Variants in ANKS1B observed in about 807,000 individuals in gnomAD.
The protein encoded by ANKS1B is ankyrin repeat and sterile alpha motif domain-containing protein 1B.
Under a neutral mutation model 148.3 loss-of-function variants are expected in ANKS1B, and 36 were observed. The observed-to-expected ratio is 0.24, with a 90% CI of 0.19 to 0.32. ANKS1B has a LOEUF of 0.32. Ranked by LOEUF, ANKS1B falls within the 10% of genes least tolerant of loss-of-function variation. The pLI, the probability that ANKS1B is intolerant of heterozygous loss-of-function variation, is 1.00. For missense variants in ANKS1B, 1,157 were observed against 1,542.6 expected, an observed-to-expected ratio of 0.75 and a Z score of 4.19; for synonymous variants, 542 against 560.8, an observed-to-expected ratio of 0.97 and a Z score of 0.47.
chr12:99,760,340 T>G (rs1462735445), intron 8 of ANKS1B, among the ~76,000 whole-genome samples: 1 of 151,772 alleles, frequency 6.6e-6, no homozygotes, highest in Non-Finnish European at 1.5e-5. Context: ...CAACCATATT[T>G]TTGGACCACA....
intron 9 of ANKS1B, among the ~76,000 whole-genome samples, chr12:99,592,694 A>C (rs1011485282): frequency 6.6e-6 from 1 of 152,172 alleles, no homozygotes; most frequent in Non-Finnish European, 1.5e-5. Flanking sequence ...AACTCTGTCA[A>C]ATATTTGAAG....
chr12:99,139,440 T>TTCTTTCTTTCTTTCTTTC (rs201769650), intron 15 of ANKS1B, among the ~76,000 whole-genome samples: 127 of 4,732 alleles, frequency 0.027, 42 homozygotes, highest in South Asian at 0.077. Context: ...CTTTCTTTCT[T>TTCTTTCTTTCTTTCTTTC]TTTCTTTCTT....
intron 22 of ANKS1B, chr12:98,794,930 A>G (rs2098934177): frequency 3.0e-6 from 4 of 1,329,730 alleles, no homozygotes; most frequent in Non-Finnish European, 4.3e-6. Flanking sequence ...AAAATGGCAC[A>G]GCAGCTACAA....
intron 1 of ANKS1B, among the ~76,000 whole-genome samples, chr12:99,877,260 T>C (rs865934752): frequency 5.3e-5 from 8 of 152,246 alleles, no homozygotes; most frequent in Admixed American, 2.0e-4. Flanking sequence ...TTGCATGTAC[T>C]TGATTGTTCT....
At chr12:99,048,349 A>G (rs1451896929) in intron 17 of ANKS1B, among the ~76,000 whole-genome samples, 1 of 152,132 alleles carries the variant, frequency 6.6e-6, no homozygotes, top group Non-Finnish European at 1.5e-5. Flanking sequence ...TCTGAAGTTC[A>G]TTTGTTGCGG....
rs758528089 is a variant in ANKS1B at position 98,955,880 on chromosome 12, C to T, written c.2778+97277G>A. Among the ~76,000 whole-genome samples, 15 of 152,242 alleles carry T rather than the reference C, an allele frequency of 9.9e-5. No individual in the cohort carries two copies. The East Asian group carries it at 1.4e-3, about 14-fold the overall frequency. The stretch of plus-strand genomic sequence containing the variant: ...GGCAGTTGAATATTGGTGGAATGAA[C>T]GAATAACCAGGATCTTAATCAAGTG... On this transcript the variant is annotated intron_variant, in intron 17 of 26. Coordinates refer to ENST00000683438, the MANE Select transcript of ANKS1B (RefSeq NM_001352186.2).
chr12:98,869,301 TCCA>T (rs2099641316), intron 17 of ANKS1B, among the ~76,000 whole-genome samples: 1 of 152,160 alleles, frequency 6.6e-6, no homozygotes, highest in Non-Finnish European at 1.5e-5. Context: ...AGTTTCTGTC[TCCA>T]CCACCACTTT....
intron 10 of ANKS1B, among the ~76,000 whole-genome samples, chr12:99,446,750 T>C (rs927585510): frequency 1.3e-5 from 2 of 151,942 alleles, no homozygotes; most frequent in African/African-American, 2.4e-5. Flanking sequence ...ACTTAAAAAG[T>C]AGACATAGAC....
At chr12:98,958,135 T>A (rs1310426306) in intron 17 of ANKS1B, among the ~76,000 whole-genome samples, 1 of 152,180 alleles carries the variant, frequency 6.6e-6, no homozygotes, top group African/African-American at 2.4e-5. Context: ...CAATCTCTAT[T>A]TCTTCTCTCT....
chr12:99,478,939 AG>A (rs1324105115), intron 10 of ANKS1B, among the ~76,000 whole-genome samples: 1 of 152,108 alleles, frequency 6.6e-6, no homozygotes, highest in Non-Finnish European at 1.5e-5. Context: ...CTTTTTAAAT[AG>A]GTAAAATTTA....
intron 9 of ANKS1B, among the ~76,000 whole-genome samples, chr12:99,641,828 C>G (rs1242076722): frequency 2.0e-5 from 3 of 152,068 alleles, no homozygotes; most frequent in Non-Finnish European, 4.4e-5. Context: ...ACTATACACC[C>G]TTATTGTTGC....
intron 19 of ANKS1B, among the ~76,000 whole-genome samples, chr12:98,816,493 G>A (rs1206879763): frequency 2.0e-5 from 3 of 152,150 alleles, no homozygotes; most frequent in Middle Eastern, 3.4e-3. Flanking sequence ...ACGGGGTTTC[G>A]CCATGTTGGC....
chr12:99,737,076 C>T (rs916721194), intron 8 of ANKS1B, among the ~76,000 whole-genome samples: 4 of 152,052 alleles, frequency 2.6e-5, no homozygotes, highest in Non-Finnish European at 5.9e-5. Context: ...CTTTTATATG[C>T]TGTTGATAAA....
intron 4 of ANKS1B, among the ~76,000 whole-genome samples, chr12:99,791,009 A>G (rs1158688224): frequency 6.6e-6 from 1 of 152,044 alleles, no homozygotes; most frequent in Non-Finnish European, 1.5e-5. Context: ...ACAAAACCCA[A>G]TGATCTGATG....
In ANKS1B at chr12:99,838,594, C is replaced by T. The variant is rs7296487; in HGVS notation, c.135-13205G>A. Among the ~76,000 whole-genome samples the T allele has an allele frequency of 9.3e-3, 1,421 of 152,080 alleles. 14 individuals carry two copies. The highest frequency in any genetic ancestry group is 0.016 in the Non-Finnish European group (1,082 of 67,966). ...TATTTCCCTTATTTCATCTTTCAGC[C>T]GAACTTATGGTGTACTTTGCCTGGC... On this transcript the variant is annotated intron_variant, in intron 1 of 26. Coordinates refer to ENST00000683438, the MANE Select transcript of ANKS1B (RefSeq NM_001352186.2).
chr12:99,730,080 C>A (rs1195303843), intron 8 of ANKS1B, among the ~76,000 whole-genome samples: 1 of 152,176 alleles, frequency 6.6e-6, no homozygotes, highest in Non-Finnish European at 1.5e-5. Context: ...TTTCTCTGAC[C>A]ACGTCCAACT....
At chr12:99,635,689 C>T (rs1003730126) in intron 9 of ANKS1B, among the ~76,000 whole-genome samples, 1 of 152,056 alleles carries the variant, frequency 6.6e-6, no homozygotes, top group Admixed American at 6.6e-5. Flanking sequence ...TAGACAATAA[C>T]ATGAATACAA....
intron 9 of ANKS1B, among the ~76,000 whole-genome samples, chr12:99,557,362 TTC>T (rs1379696177): frequency 6.6e-6 from 1 of 152,248 alleles, no homozygotes; most frequent in African/African-American, 2.4e-5. Context: ...ATTTTTTTAA[TTC>T]TTTTTTCTTT....
At chr12:98,994,710 G>A (rs2099928515) in intron 17 of ANKS1B, among the ~76,000 whole-genome samples, 1 of 152,142 alleles carries the variant, frequency 6.6e-6, no homozygotes, top group East Asian at 1.9e-4. Context: ...TCTCTCCTTG[G>A]TTTGCAGACG....
Sources: allele counts gnomAD v4.1 joint callset (sites outside exome capture counted in the v4.1 genomes callset), GRCh38; gene constraint gnomAD v4.1.1; transcripts MANE v1.5; gene names NCBI Gene and HGNC (gene_info 2026-07-23, HGNC 2026-07-21).